Variants in SBF2 observed in about 807,000 individuals in gnomAD.
SBF2 encodes SET binding factor 2, also known as myotubularin-related protein 13.
In SBF2, 112 loss-of-function variants were observed where a neutral mutation model predicts 225.2. That is an observed-to-expected ratio of 0.50 (90% CI 0.43 to 0.58). The LOEUF is 0.58. Among genes scored for constraint, SBF2 ranks in the 20% least tolerant of loss-of-function variants. SBF2 has a pLI of 0.00. For synonymous variants in SBF2, 763 were observed against 773.3 expected, an observed-to-expected ratio of 0.99 and a Z score of 0.22; for missense variants, 1,996 against 2,206.2, an observed-to-expected ratio of 0.90 and a Z score of 1.91.
At position 9,785,282 on chromosome 11, in the gene SBF2, A is replaced by G. The variant is rs776642521; in HGVS notation, c.5074T>C (p.Ser1692Pro). 9.2e-5 allele frequency: 148 copies of G among 1,614,074 alleles called. No individual in the cohort carries two copies. Among genetic ancestry groups the G allele is most frequent in the Non-Finnish European group, 1.2e-4 (138 of 1,180,028 alleles). ...RHLSRSPGIV[S>P]TNLPSYQKRS... The stretch of plus-strand genomic sequence containing the variant: ...TTCTGATAGGAAGGTAGGTTGGTAG[A>G]CACAATTCCTGGGGATCTCGACAGG... Residue 1692 changes from serine to proline, a missense_variant, in exon 37 of 40, where the codon TCT becomes CCT. Ser to Pro is a moderately conservative substitution (Grantham distance 74). Coordinates refer to ENST00000256190, the MANE Select transcript of SBF2 (RefSeq NM_030962.4).
chr11:9,850,108 T>A lies in SBF2; in HGVS notation c.2721A>T (p.Gly907=). 1.9e-6 allele frequency: 3 copies of A among 1,614,130 alleles called. No homozygotes were observed. Among genetic ancestry groups the A allele is most frequent in the Middle Eastern group, 1.7e-4 (1 of 6,052 alleles). ...GREEATGGLL[G]GPQLLPAEGA... ...CTTCTGCTGGCAGGAGCTGAGGGCC[T>A]CCAAGAAGACCTCCAGTAGCTTCTT... Residue 907 remains glycine (G), a synonymous_variant, in exon 22 of 40, where the codon GGA becomes GGT. Transcript: ENST00000256190.
intron 2 of SBF2, among the ~76,000 whole-genome samples, chr11:10,111,794 T>C (rs1952867940): frequency 6.6e-6 from 1 of 152,198 alleles, no homozygotes; most frequent in South Asian, 2.1e-4. Flanking sequence ...GGAGAATCGC[T>C]TGAACCCGGG....
At chr11:10,172,376 G>A (rs561099297) in intron 2 of SBF2, among the ~76,000 whole-genome samples, 2 of 151,858 alleles carry the variant, frequency 1.3e-5, no homozygotes, top group East Asian at 1.9e-4. Context: ...TTTTTGAGAA[G>A]GAGTCTTGCT....
intron 1 of SBF2, among the ~76,000 whole-genome samples, chr11:10,223,160 A>G (rs538783994): frequency 9.9e-5 from 15 of 151,862 alleles, no homozygotes; most frequent in African/African-American, 3.6e-4. Flanking sequence ...AAATCTAACA[A>G]GCTAGAAGTA....
intron 2 of SBF2, among the ~76,000 whole-genome samples, chr11:10,078,812 T>C (rs1338152982): frequency 6.6e-6 from 1 of 151,906 alleles, no homozygotes; most frequent in Non-Finnish European, 1.5e-5. Flanking sequence ...TTGCATGAGG[T>C]TTGAAGAACA....
chr11:9,881,592 CATG>C (rs979160269), intron 17 of SBF2, among the ~76,000 whole-genome samples: 23 of 152,094 alleles, frequency 1.5e-4, no homozygotes, highest in African/African-American at 4.8e-4. Context: ...ACTGATTTCT[CATG>C]ATAACACTTT....
intron 1 of SBF2, among the ~76,000 whole-genome samples, chr11:10,242,667 T>C (rs1490363342): frequency 6.6e-6 from 1 of 152,042 alleles, no homozygotes; most frequent in Non-Finnish European, 1.5e-5. Flanking sequence ...ATACAAATGG[T>C]AGCCAAAAGA....
Position 10,294,056 on chromosome 11 carries a change from G to A in SBF2, c.14C>T (p.Ala5Val). 7.2e-7 allele frequency: 1 copy of A among 1,396,688 alleles called. No homozygotes were observed. The highest frequency in any genetic ancestry group is 1.6e-5 in the South Asian group (1 of 61,022). The allele number at this position is 1,396,688 out of a possible 1,614,324, so 86.5% of individuals were successfully genotyped here. The change falls in exon 1 of 40, where the codon GCT (alanine) becomes GTT (valine). Residue 5 changes from alanine (A) to valine (V), a missense_variant. Coordinates refer to ENST00000256190, the MANE Select transcript of SBF2 (RefSeq NM_030962.4). ...ATAGCCTACCACGATGAAGTAGTCA[G>A]CCAGCCGGGCCATGGCCGCCGCCGC... is the stretch of plus-strand genomic sequence containing the variant. Reference protein sequence around the residue: MARLADYFIVVGYDH... With the variant: MARLVDYFIVVGYDH...
In SBF2 at chr11:10,178,935, G is replaced by A. The variant is rs557273471; in HGVS notation, c.141+14967C>T. Among the ~76,000 whole-genome samples the A allele has an allele frequency of 9.1e-5, 13 of 143,440 alleles. No homozygotes were observed. The East Asian group carries it at 2.7e-3, about 30-fold the overall frequency. The allele number at this position is 143,440 out of a possible 152,430, so 94.1% of individuals were successfully genotyped here. On this transcript the variant is annotated intron_variant, in intron 2 of 39. Coordinates refer to ENST00000256190, the MANE Select transcript of SBF2 (RefSeq NM_030962.4). ...CATTATTCACAATAGCAAAGACTTGGAACCAACCCAAATGTCCAACAATGA... is the reference window on the plus strand; with the variant it reads ...CATTATTCACAATAGCAAAGACTTGAAACCAACCCAAATGTCCAACAATGA...
chr11:10,227,403 A>G (rs1455919952), intron 1 of SBF2, among the ~76,000 whole-genome samples: 5 of 152,148 alleles, frequency 3.3e-5, no homozygotes, highest in African/African-American at 9.7e-5. Flanking sequence ...GCCCATGCCT[A>G]TGTCCTGAAT....
intron 37 of SBF2, among the ~76,000 whole-genome samples, chr11:9,784,662 A>G (rs1852253215): frequency 6.6e-6 from 1 of 152,246 alleles, no homozygotes; most frequent in Non-Finnish European, 1.5e-5. Context: ...ATCAGTAGCC[A>G]TCCTTTGTGC....
At chr11:10,262,174 T>C (rs1410605335) in intron 1 of SBF2, among the ~76,000 whole-genome samples, 1 of 152,180 alleles carries the variant, frequency 6.6e-6, no homozygotes, top group East Asian at 1.9e-4. Flanking sequence ...AAGATACTGG[T>C]ATCAATAATT....
chr11:9,813,156 C>T (rs1209558653), intron 29 of SBF2, among the ~76,000 whole-genome samples: 4 of 152,158 alleles, frequency 2.6e-5, no homozygotes, highest in African/African-American at 7.2e-5. Context: ...ATAGGTAACA[C>T]ACTGTTGGAG....
chr11:10,227,607 G>C (rs1365040001), intron 1 of SBF2, among the ~76,000 whole-genome samples: 2 of 152,134 alleles, frequency 1.3e-5, no homozygotes, highest in Non-Finnish European at 2.9e-5. Context: ...GTTTTTGTCA[G>C]GTTTGACAAA....
chr11:10,277,379 G>GTGAT (rs1209289357), intron 1 of SBF2, among the ~76,000 whole-genome samples: 1 of 152,182 alleles, frequency 6.6e-6, no homozygotes, highest in African/African-American at 2.4e-5. Flanking sequence ...TGTTGTGGGA[G>GTGAT]TGATTCCTAT....
chr11:10,120,651 C>T lies in SBF2; in HGVS notation c.141+73251G>A, dbSNP rs575455812. Among the ~76,000 whole-genome samples, 578 of 152,162 alleles carry T rather than the reference C, an allele frequency of 3.8e-3. 4 individuals carry two copies. The highest frequency in any genetic ancestry group is 5.4e-3 in the South Asian group (26 of 4,824). ...TTCTGTTTTTTTTGAGACAGAGTCT[C>T]GCTCTGTCACCCAGGCTGGAGTGCA... On this transcript the variant is annotated intron_variant, in intron 2 of 39. Transcript: ENST00000256190.
At chr11:9,833,581 T>A (rs919272208) in intron 26 of SBF2, among the ~76,000 whole-genome samples, 1 of 151,610 alleles carries the variant, frequency 6.6e-6, no homozygotes, top group Admixed American at 6.6e-5. Context: ...CCACCATCCC[T>A]GGCTAATTTT....
intron 26 of SBF2, among the ~76,000 whole-genome samples, chr11:9,833,774 CTTTTT>C (rs35133643): frequency 1.6e-5 from 2 of 127,686 alleles, no homozygotes; most frequent in Admixed American, 8.2e-5. Context: ...TCATGCTATC[CTTTTT>C]TTTTTTTTTT....
At chr11:10,220,261 C>T (rs760934310) in intron 1 of SBF2, among the ~76,000 whole-genome samples, 8 of 152,072 alleles carry the variant, frequency 5.3e-5, no homozygotes, top group African/African-American at 9.7e-5. Context: ...TTCACTATCA[C>T]GAGAACAGCA....
Sources: gnomAD v4.1 joint callset for allele counts (sites outside exome capture counted in the v4.1 genomes callset) on GRCh38, gnomAD v4.1.1 for gene constraint, MANE v1.5 for transcripts, NCBI Gene and HGNC (gene_info 2026-07-23, HGNC 2026-07-21) for gene names.